The following IL15 variants were observed in gnomAD, a reference collection of about 807,000 sequenced individuals.
The protein encoded by IL15 is interleukin-15.
Under a neutral mutation model 19.6 loss-of-function variants are expected in IL15, and 11 were observed. The observed-to-expected ratio is 0.56, with a 90% CI of 0.35 to 0.93. The LOEUF (loss-of-function observed/expected upper bound fraction) is 0.93, where lower values mean the gene tolerates loss of function less well. IL15 is among the 40% of genes least tolerant of loss of function. The pLI is 0.01. For synonymous variants in IL15, 58 were observed against 59.6 expected (o/e 0.97, Z 0.12); for missense variants, 197 against 186.5 (o/e 1.06, Z -0.33).
At chr4:141,721,685 A>G in intron 4 of IL15, 1 of 546,758 alleles carries the variant, frequency 1.8e-6, no homozygotes, top group Non-Finnish European at 3.3e-6. Context: ...AAGTATGCCT[A>G]CAGTTAGGCT....
At chr4:141,659,449 C>A (rs1727717789) in intron 2 of IL15, among the ~76,000 whole-genome samples, 1 of 152,014 alleles carries the variant, frequency 6.6e-6, no homozygotes, top group Non-Finnish European at 1.5e-5. Flanking sequence ...GATTTGCCCA[C>A]CTCGGCCTCC....
intron 2 of IL15, among the ~76,000 whole-genome samples, chr4:141,703,483 C>T (rs528122734): frequency 6.6e-6 from 1 of 152,244 alleles, no homozygotes; most frequent in South Asian, 2.1e-4. Context: ...CTTTTATTTT[C>T]ACGAGGCTCC....
chr4:141,682,783 G>C (rs930135231), intron 2 of IL15, among the ~76,000 whole-genome samples: 7 of 151,748 alleles, frequency 4.6e-5, no homozygotes, highest in Admixed American at 2.0e-4. Flanking sequence ...AGTGAAACCC[G>C]GTCTCTACTA....
intron 2 of IL15, among the ~76,000 whole-genome samples, chr4:141,669,325 A>G (rs1462083233): frequency 6.6e-6 from 1 of 152,226 alleles, no homozygotes; most frequent in Non-Finnish European, 1.5e-5. Context: ...AAGCCTTGAA[A>G]TAATTTGAGT....
chr4:141,693,449 C>A (rs2152178448), intron 2 of IL15, among the ~76,000 whole-genome samples: 1 of 152,254 alleles, frequency 6.6e-6, no homozygotes, highest in South Asian at 2.1e-4. Context: ...ACCATAGTGC[C>A]TGACACATAC....
chr4:141,723,502 C>T (rs1322286271), intron 5 of IL15, among the ~76,000 whole-genome samples: 2 of 152,156 alleles, frequency 1.3e-5, no homozygotes, highest in Non-Finnish European at 2.9e-5. Flanking sequence ...AAGCATTCTT[C>T]TCTAGACCCC....
intron 5 of IL15, among the ~76,000 whole-genome samples, chr4:141,726,956 A>G (rs1302526903): frequency 2.6e-5 from 4 of 152,192 alleles, no homozygotes; most frequent in African/African-American, 4.8e-5. Flanking sequence ...GGGGACGCCA[A>G]TCTGAAAAGG....
At chr4:141,696,537 T>C (rs1729101308) in intron 2 of IL15, among the ~76,000 whole-genome samples, 1 of 152,132 alleles carries the variant, frequency 6.6e-6, no homozygotes, top group East Asian at 1.9e-4. Flanking sequence ...ATTTTAACAA[T>C]ATGAATTCTT....
In IL15 at chr4:141,653,185, T is replaced by C. The variant is rs368496662; in HGVS notation, c.-221-3001T>C. On this transcript the variant is annotated intron_variant, in intron 1 of 7. Coordinates refer to ENST00000320650, the MANE Select transcript of IL15 (RefSeq NM_000585.5). ...TTTTTATGATGAAGGATAATTCAAT[T>C]AAAAAAATTATTTACAGCCTCCTTT... Among the ~76,000 whole-genome samples, 280 of 152,232 alleles carry C rather than the reference T, an allele frequency of 1.8e-3. 1 individual carries two copies. Among genetic ancestry groups the C allele is most frequent in the African/African-American group, 6.0e-3 (250 of 41,538 alleles).
chr4:141,693,333 C>G (rs1010807295), intron 2 of IL15, among the ~76,000 whole-genome samples: 3 of 152,056 alleles, frequency 2.0e-5, no homozygotes, highest in Non-Finnish European at 2.9e-5. Context: ...CATTACAGTT[C>G]GAGATGAAAT....
At chr4:141,696,479 T>C (rs1729099938) in intron 2 of IL15, among the ~76,000 whole-genome samples, 1 of 152,120 alleles carries the variant, frequency 6.6e-6, no homozygotes, top group Non-Finnish European at 1.5e-5. Context: ...CATTGGTATT[T>C]TGATACGTAT....
intron 2 of IL15, among the ~76,000 whole-genome samples, chr4:141,675,706 AG>A (rs1728319474): frequency 6.6e-6 from 1 of 152,188 alleles, no homozygotes; most frequent in South Asian, 2.1e-4. Context: ...CCATAAAATG[AG>A]GACTGCCACT....
At chr4:141,689,269 G>C (rs986586424) in intron 2 of IL15, among the ~76,000 whole-genome samples, 5 of 152,132 alleles carry the variant, frequency 3.3e-5, no homozygotes, top group African/African-American at 9.7e-5. Context: ...TGCTGGCTCC[G>C]GCAGCCTGCT....
intron 2 of IL15, among the ~76,000 whole-genome samples, chr4:141,692,379 A>G (rs936336192): frequency 5.3e-5 from 8 of 152,202 alleles, no homozygotes; most frequent in Non-Finnish European, 7.3e-5. Context: ...TACTTAGGCA[A>G]ATTTCTGCAG....
In IL15 at chr4:141,709,002, AATTCAATATT is replaced by A. The variant is rs1321216096; in HGVS notation, c.-99-10353_-99-10344del. ...TGCTATTCTTTTATTATTAATTTGT[AATTCAATATT>A]ATTCAATATTGAAAATTTTCAATAT... On this transcript the variant is annotated intron_variant, in intron 2 of 7. Coordinates refer to ENST00000320650, the MANE Select transcript of IL15 (RefSeq NM_000585.5). Among the ~76,000 whole-genome samples the A allele has an allele frequency of 2.1e-5, 3 of 144,154 alleles. No homozygotes were observed. In the Admixed American group the frequency reaches 2.1e-4, roughly 10 times the overall value. 94.6% of individuals were successfully genotyped at this position (144,154 alleles called of 152,430 possible).
At chr4:141,655,183 C>T (rs1727548181) in intron 1 of IL15, among the ~76,000 whole-genome samples, 1 of 152,000 alleles carries the variant, frequency 6.6e-6, no homozygotes, top group Non-Finnish European at 1.5e-5. Context: ...AAGCTTGTTT[C>T]CTGGTAGGAG....
At chr4:141,678,224 C>T (rs1015180884) in intron 2 of IL15, among the ~76,000 whole-genome samples, 25 of 152,156 alleles carry the variant, frequency 1.6e-4, no homozygotes, top group African/African-American at 4.6e-4. Context: ...CTGTGATTTG[C>T]ACTTGTGTTT....
chr4:141,685,168 A>C (rs1054855646), intron 2 of IL15, among the ~76,000 whole-genome samples: 2 of 152,220 alleles, frequency 1.3e-5, no homozygotes, highest in African/African-American at 2.4e-5. Context: ...CAGTATTCCA[A>C]AAGAGAGAGT....
chr4:141,712,323 T>G (rs1159957857), intron 2 of IL15, among the ~76,000 whole-genome samples: 2 of 152,118 alleles, frequency 1.3e-5, no homozygotes, highest in Admixed American at 6.5e-5. Context: ...GACAGTAGGT[T>G]AAATATATTT....
Sources: gnomAD v4.1 joint callset for allele counts (sites outside exome capture counted in the v4.1 genomes callset) on GRCh38, gnomAD v4.1.1 for gene constraint, MANE v1.5 for transcripts, NCBI Gene and HGNC (gene_info 2026-07-23, HGNC 2026-07-21) for gene names.